The following LRPPRC variants were observed in gnomAD, a reference collection of about 807,000 sequenced individuals.
LRPPRC encodes the protein leucine rich pentatricopeptide repeat containing, also known as leucine-rich PPR motif-containing protein, mitochondrial.
LRPPRC carries 120 observed loss-of-function variants against 180.3 expected under a neutral mutation model. The observed-to-expected ratio is 0.67, with a 90% confidence interval of 0.57 to 0.77. LRPPRC has a LOEUF of 0.77. Ranked by LOEUF, LRPPRC falls within the 30% of genes least tolerant of loss-of-function variation. LRPPRC has a pLI of 0.00. For synonymous variants in LRPPRC, 723 were observed against 600.0 expected (o/e 1.21, Z -3.00); for missense variants, 2,012 against 1,657.2 (o/e 1.21, Z -3.72).
chr2:43,931,597 A>G (rs568660218), intron 25 of LRPPRC, among the ~76,000 whole-genome samples: 1 of 152,230 alleles, frequency 6.6e-6, no homozygotes, highest in East Asian at 1.9e-4. Flanking sequence ...TTCTCACCCT[A>G]AACACTGCTA....
At chr2:43,907,283 T>C (rs1326796549) in intron 30 of LRPPRC, among the ~76,000 whole-genome samples, 1 of 152,208 alleles carries the variant, frequency 6.6e-6, no homozygotes, top group Non-Finnish European at 1.5e-5. Context: ...AGATCTATTC[T>C]ATAATAATAT....
intron 32 of LRPPRC, among the ~76,000 whole-genome samples, chr2:43,900,701 A>G (rs1553391624): frequency 6.6e-6 from 1 of 152,208 alleles, no homozygotes; most frequent in Non-Finnish European, 1.5e-5. Context: ...AAATGTATGC[A>G]AGATTACTAA....
intron 34 of LRPPRC, among the ~76,000 whole-genome samples, chr2:43,897,290 T>G (rs1264502350): frequency 6.6e-6 from 1 of 151,842 alleles, no homozygotes. Context: ...AAAAAAAAAG[T>G]TTACATGACA....
chr2:43,918,136 T>TTG lies in LRPPRC; in HGVS notation c.3040-4_3040-3insCA. The TTG allele has an allele frequency of 6.2e-7, 1 of 1,612,304 alleles. No individual in the cohort carries two copies. Among genetic ancestry groups the TTG allele is most frequent in the African/African-American group, 1.3e-5 (1 of 75,002 alleles). On this transcript the variant is annotated splice_region_variant and splice_polypyrimidine_tract_variant and intron_variant, in intron 28 of 37. Coordinates refer to ENST00000260665, the MANE Select transcript of LRPPRC (RefSeq NM_133259.4). ...TGTTTTTCATCTTCATACCACAACT[T>TTG]TAAAACAAAGTTATTCTGTTAAATA...
intron 21 of LRPPRC, 151 bp from the exon 22 acceptor site, chr2:43,945,568 A>G (rs756559510): frequency 2.7e-5 from 18 of 665,444 alleles, no homozygotes; most frequent in Non-Finnish European, 3.8e-5. Context: ...TTTTGAAGCC[A>G]TATACAAGTT....
chr2:43,915,952 G>A (rs1671452651), intron 29 of LRPPRC, among the ~76,000 whole-genome samples: 2 of 152,040 alleles, frequency 1.3e-5, no homozygotes, highest in Admixed American at 1.3e-4. Flanking sequence ...TTTCTGAACA[G>A]ATGGGATACC....
intron 1 of LRPPRC, among the ~76,000 whole-genome samples, chr2:43,992,492 G>A (rs538676708): frequency 6.6e-6 from 1 of 152,312 alleles, no homozygotes; most frequent in South Asian, 2.1e-4. Context: ...TAAAGCACCT[G>A]TGCTAAAGAG....
intron 11 of LRPPRC, among the ~76,000 whole-genome samples, chr2:43,972,779 G>A (rs1432764142): frequency 6.6e-6 from 1 of 151,922 alleles, no homozygotes; most frequent in African/African-American, 2.4e-5. Flanking sequence ...CACTTTTTTT[G>A]TTGTTTGTGC....
intron 23 of LRPPRC, among the ~76,000 whole-genome samples, chr2:43,939,116 C>CAAAA (rs34124728): frequency 2.3e-5 from 3 of 128,224 alleles, no homozygotes; most frequent in Non-Finnish European, 5.1e-5. Flanking sequence ...ACTAAAAATA[C>CAAAA]AAAAAAAAAA....
In LRPPRC at chr2:43,899,333, T is replaced by C; in HGVS notation, c.3711A>G (p.Ile1237Met). The change falls in exon 34 of 38, where the codon ATA becomes ATG. Residue 1237 changes from isoleucine (I) to methionine (M), a missense_variant and splice_region_variant. Coordinates refer to ENST00000260665, the MANE Select transcript of LRPPRC (RefSeq NM_133259.4). The stretch of plus-strand genomic sequence containing the variant: ...TGGCCAATCTCTCCGCCATGATGCT[T>C]ACTGGAAAAATGACAGGTAAGAAAA... ...EEQLEPAVEK[I>M]SIMAERLANQ... 6.2e-7 allele frequency: 1 copy of C among 1,612,904 alleles called. No individual in the cohort carries two copies. Among genetic ancestry groups the C allele is most frequent in the Non-Finnish European group, 8.5e-7 (1 of 1,178,880 alleles).
In LRPPRC at chr2:43,901,241, A is replaced by C; in HGVS notation, c.3569+79T>G. ...TTGATAAGGTTTCCACATGTCTAAA[A>C]AAGTTTTTAAAAGGTGGTATCTGAG... On this transcript the variant is annotated intron_variant, in intron 32 of 37. Coordinates refer to ENST00000260665, the MANE Select transcript of LRPPRC (RefSeq NM_133259.4). 8 of 1,065,280 alleles carry C rather than the reference A, an allele frequency of 7.5e-6. No individual in the cohort carries two copies. The South Asian group carries it at 1.0e-4, about 14-fold the overall frequency. 66.0% of individuals were successfully genotyped at this position (1,065,280 alleles called of 1,614,324 possible).
At chr2:43,906,531 G>A (rs1330730441) in intron 30 of LRPPRC, among the ~76,000 whole-genome samples, 1 of 152,154 alleles carries the variant, frequency 6.6e-6, no homozygotes, top group Non-Finnish European at 1.5e-5. Context: ...TTGCTACACT[G>A]TTTGCGCATC....
intron 30 of LRPPRC, among the ~76,000 whole-genome samples, chr2:43,909,483 G>A (rs2105007812): frequency 6.6e-6 from 1 of 152,242 alleles, no homozygotes; most frequent in Middle Eastern, 3.4e-3. Flanking sequence ...CAGAGTTTCA[G>A]TTATGGAACA....
At position 43,888,571 on chromosome 2, in the gene LRPPRC, T is replaced by A. The variant is rs761484235; in HGVS notation, c.*29A>T. On this transcript the variant is annotated 3_prime_UTR_variant, in exon 38 of 38. Transcript: ENST00000260665. Reference sequence around the variant, plus strand: ...ACATGTAGACACAGAATCACAAATATATACAAAACAAAGTATCGCCTGGTT... The same window carrying A: ...ACATGTAGACACAGAATCACAAATAAATACAAAACAAAGTATCGCCTGGTT... 1 of 1,367,074 alleles carries A rather than the reference T, an allele frequency of 7.3e-7. No homozygotes were observed. The highest frequency in any genetic ancestry group is 1.0e-6 in the Non-Finnish European group (1 of 955,712). 84.7% of individuals were successfully genotyped at this position (1,367,074 alleles called of 1,614,324 possible). A position where few individuals can be genotyped will look rare whatever the true frequency, so the allele number is the denominator to read the frequency against.
chr2:43,944,609 A>G (rs1193515157), intron 22 of LRPPRC, among the ~76,000 whole-genome samples: 1 of 152,134 alleles, frequency 6.6e-6, no homozygotes, highest in Admixed American at 6.6e-5. Flanking sequence ...GATTTTCTCC[A>G]TACATTTTTC....
intron 1 of LRPPRC, among the ~76,000 whole-genome samples, chr2:43,987,249 C>T (rs1049751697): frequency 3.9e-5 from 6 of 152,066 alleles, no homozygotes; most frequent in African/African-American, 1.4e-4. Context: ...AATCCCAGCA[C>T]TTAGGGGAGG....
chr2:43,983,930 T>C lies in LRPPRC; in HGVS notation c.150-1496A>G, dbSNP rs79851991. Reference sequence around the variant, plus strand: ...CATTAGTGATTCCACCATCTAGGTATAAAATAATGGAAAAAATCAAGATAC... The same window carrying C: ...CATTAGTGATTCCACCATCTAGGTACAAAATAATGGAAAAAATCAAGATAC... On this transcript the variant is annotated intron_variant, in intron 1 of 37. Coordinates refer to ENST00000260665, the MANE Select transcript of LRPPRC (RefSeq NM_133259.4). Among the ~76,000 whole-genome samples, 1,002 of 152,176 alleles carry C rather than the reference T, an allele frequency of 6.6e-3. 15 individuals carry two copies. Among genetic ancestry groups the C allele is most frequent in the African/African-American group, 0.023 (947 of 41,528 alleles).
In LRPPRC at chr2:43,982,394, T is replaced by C. The variant is rs1346120994; in HGVS notation, c.190A>G (p.Lys64Glu). The part of the protein sequence containing the change: ...SPARLYAIAA[K>E]EKDIQEESTF... ...GACTCCTCTTGAATATCTTTTTCTT[T>C]GGCAGCAATGGCATACAGCCTGGCT... Residue 64 changes from lysine (K) to glutamate (E), a missense_variant, in exon 2 of 38, where the codon AAA (lysine) becomes GAA (glutamate). Physicochemically the swap from Lys to Glu is moderately conservative, Grantham distance 56. Coordinates refer to ENST00000260665, the MANE Select transcript of LRPPRC (RefSeq NM_133259.4). 1.5e-5 allele frequency: 25 copies of C among 1,613,944 alleles called. No individual in the cohort carries two copies. The East Asian group carries it at 2.4e-4, about 16-fold the overall frequency.
intron 32 of LRPPRC, among the ~76,000 whole-genome samples, chr2:43,900,303 T>C (rs1336700249): frequency 1.3e-5 from 2 of 152,154 alleles, no homozygotes; most frequent in East Asian, 1.9e-4. Flanking sequence ...TAATCTATAA[T>C]GGATACTTTA....
Sources: allele counts gnomAD v4.1 joint callset (sites outside exome capture counted in the v4.1 genomes callset), GRCh38; gene constraint gnomAD v4.1.1; transcripts MANE v1.5; gene names NCBI Gene and HGNC (gene_info 2026-07-23, HGNC 2026-07-21).